NARS2: variants seen among roughly 807,000 people sequenced by gnomAD.
NARS2 encodes asparaginyl-tRNA synthetase 2, mitochondrial.
A neutral mutation model predicts 62.9 loss-of-function variants in NARS2; 60 were observed. The ratio of observed to expected loss-of-function variants is 0.95; its 90% CI spans 0.77 to 1.18. The LOEUF is 1.18. Among genes scored for constraint, NARS2 ranks in the 50% most tolerant of loss-of-function variants. The pLI, the probability that NARS2 is intolerant of heterozygous loss-of-function variation, is 0.00. For missense variants in NARS2, 619 were observed against 576.4 expected (o/e 1.07, Z -0.76); for synonymous variants, 196 against 200.0 (o/e 0.98, Z 0.17).
chr11:78,570,453 T>G (rs1209188510), intron 2 of NARS2, among the ~76,000 whole-genome samples: 2 of 152,146 alleles, frequency 1.3e-5, no homozygotes, highest in Non-Finnish European at 2.9e-5. Flanking sequence ...AGTGGCAAGA[T>G]CTTGGCTCAC....
At chr11:78,489,712 A>G (rs897970864) in intron 7 of NARS2, among the ~76,000 whole-genome samples, 1 of 152,162 alleles carries the variant, frequency 6.6e-6, no homozygotes, top group African/African-American at 2.4e-5. Context: ...ACTATAAAAC[A>G]TCACATCAAA....
chr11:78,504,100 A>G (rs916683753), intron 6 of NARS2, among the ~76,000 whole-genome samples: 1 of 152,236 alleles, frequency 6.6e-6, no homozygotes, highest in African/African-American at 2.4e-5. Context: ...AACTTCTGAG[A>G]TAACTCTTTC....
chr11:78,469,284 A>C lies in NARS2; in HGVS notation c.989T>G (p.Leu330Ter). The change falls in exon 10 of 14, where the codon TTA (leucine) becomes TGA (stop). Residue 330 changes from leucine to a stop codon, truncating the protein, a stop_gained. Coordinates refer to ENST00000281038, the MANE Select transcript of NARS2 (RefSeq NM_024678.6). LOFTEE classifies it high-confidence loss of function. The part of the protein sequence containing the change: ...IISYTEAVEI[L>*]KQASQNFTFT... ...GGTGAAGTTCTGGGATGCTTGCTTT[A>C]AGATCTCCACTGCTTCAGTATAAGA... 1 of 1,613,304 alleles carries C rather than the reference A, an allele frequency of 6.2e-7. No homozygotes were observed. The highest frequency in any genetic ancestry group is 8.5e-7 in the Non-Finnish European group (1 of 1,179,450).
intron 11 of NARS2, among the ~76,000 whole-genome samples, chr11:78,446,828 C>T (rs1857777621): frequency 6.6e-6 from 1 of 151,936 alleles, no homozygotes; most frequent in African/African-American, 2.4e-5. Flanking sequence ...ACAACCAATG[C>T]AAAACCAGAC....
At chr11:78,562,390 A>C (rs1271584659) in intron 4 of NARS2, among the ~76,000 whole-genome samples, 2 of 152,230 alleles carry the variant, frequency 1.3e-5, no homozygotes, top group African/African-American at 4.8e-5. Context: ...TGACTGCACC[A>C]CTGCACTCCA....
intron 5 of NARS2, among the ~76,000 whole-genome samples, chr11:78,554,038 T>C (rs1234202365): frequency 1.3e-5 from 2 of 152,184 alleles, no homozygotes; most frequent in Non-Finnish European, 2.9e-5. Context: ...TTGGGGAGGA[T>C]CAGATTGTCA....
At chr11:78,486,244 A>G (rs947154627) in intron 7 of NARS2, among the ~76,000 whole-genome samples, 2 of 152,114 alleles carry the variant, frequency 1.3e-5, no homozygotes, top group Non-Finnish European at 2.9e-5. Flanking sequence ...CTGGAAATGA[A>G]TAACATGGTG....
intron 11 of NARS2, among the ~76,000 whole-genome samples, chr11:78,455,124 A>AT (rs528391002): frequency 6.2e-4 from 94 of 151,920 alleles, no homozygotes; most frequent in South Asian, 1.9e-3. Context: ...TGTCAGGTTA[A>AT]TTTTTTCATC....
At chr11:78,512,841 T>C (rs1288891671) in intron 6 of NARS2, among the ~76,000 whole-genome samples, 3 of 152,230 alleles carry the variant, frequency 2.0e-5, no homozygotes, top group Non-Finnish European at 4.4e-5. Flanking sequence ...ACATAAGATA[T>C]TGTGTACAGG....
At chr11:78,495,263 C>T (rs1351797012) in intron 6 of NARS2, among the ~76,000 whole-genome samples, 2 of 152,130 alleles carry the variant, frequency 1.3e-5, no homozygotes, top group East Asian at 1.9e-4. Flanking sequence ...CCTTTCCTAG[C>T]GTGTCCCATG....
In NARS2 at chr11:78,574,546, C is replaced by A; in HGVS notation, c.-58G>T. On this transcript the variant is annotated 5_prime_UTR_variant, in exon 1 of 14. Coordinates refer to ENST00000281038, the MANE Select transcript of NARS2 (RefSeq NM_024678.6). ...CCCAGACCCCACGGTTCGAACCCCG[C>A]CTGCAGCGGCCCTCCTTTCTCAGCT... 6.6e-7 allele frequency: 1 copy of A among 1,510,822 alleles called. No individual in the cohort carries two copies. The highest frequency in any genetic ancestry group is 1.2e-5 in the South Asian group (1 of 81,288). 93.6% of individuals were successfully genotyped at this position (1,510,822 alleles called of 1,614,324 possible). A position where few individuals can be genotyped will look rare whatever the true frequency, so the allele number is the denominator to read the frequency against.
At chr11:78,539,971 T>C (rs1054550497) in intron 5 of NARS2, among the ~76,000 whole-genome samples, 2 of 152,196 alleles carry the variant, frequency 1.3e-5, no homozygotes, top group Non-Finnish European at 2.9e-5. Flanking sequence ...AAAACACTTT[T>C]GAACAAAAAT....
At chr11:78,535,632 C>CTT (rs879730039) in intron 5 of NARS2, among the ~76,000 whole-genome samples, 4 of 144,228 alleles carry the variant, frequency 2.8e-5, no homozygotes, top group African/African-American at 7.6e-5. Context: ...CCAGAAAGCT[C>CTT]TTTTTTTTTT....
intron 6 of NARS2, among the ~76,000 whole-genome samples, chr11:78,510,707 A>C (rs1471827995): frequency 6.6e-6 from 1 of 152,224 alleles, no homozygotes; most frequent in Non-Finnish European, 1.5e-5. Context: ...AATGTGTGCT[A>C]GTGGTTATAA....
intron 3 of NARS2, among the ~76,000 whole-genome samples, chr11:78,568,153 T>A (rs991255739): frequency 6.6e-6 from 1 of 152,260 alleles, no homozygotes; most frequent in Non-Finnish European, 1.5e-5. Flanking sequence ...TATTCTGTGC[T>A]ATCCAATATA....
intron 6 of NARS2, among the ~76,000 whole-genome samples, chr11:78,521,808 A>AAT: frequency 6.6e-6 from 1 of 151,368 alleles, no homozygotes; most frequent in African/African-American, 2.4e-5. Context: ...AAAAAAAAAA[A>AAT]AGAAAAGCCC....
intron 6 of NARS2, among the ~76,000 whole-genome samples, chr11:78,506,556 A>T (rs1860506238): frequency 1.3e-5 from 2 of 152,166 alleles, no homozygotes; most frequent in Non-Finnish European, 2.9e-5. Context: ...TTGTTTTGAG[A>T]TGGAGTCTCG....
intron 6 of NARS2, among the ~76,000 whole-genome samples, chr11:78,497,705 A>T (rs1860120453): frequency 6.6e-6 from 1 of 152,104 alleles, no homozygotes; most frequent in Non-Finnish European, 1.5e-5. Flanking sequence ...TTATTTCTAC[A>T]TGCCTAAAAG....
rs954119105 is a variant in NARS2, at chr11:78,522,121, T to A, written c.689+6721A>T. Among the ~76,000 whole-genome samples the A allele has an allele frequency of 3.7e-5, 5 of 133,602 alleles. No individual in the cohort carries two copies. The East Asian group carries it at 9.9e-4, about 27-fold the overall frequency. 87.6% of individuals were successfully genotyped at this position (133,602 alleles called of 152,430 possible). ...GTATGTGCCACTACATCCAGCTAAT[T>A]TTTTTTTTTTTTTTTTTGGTAGAGA... On this transcript the variant is annotated intron_variant, in intron 6 of 13. Transcript: ENST00000281038.
Sources: allele counts gnomAD v4.1 joint callset (sites outside exome capture counted in the v4.1 genomes callset), GRCh38; gene constraint gnomAD v4.1.1; transcripts MANE v1.5; gene names NCBI Gene and HGNC (gene_info 2026-07-23, HGNC 2026-07-21).